TLK1: variants seen among roughly 807,000 people sequenced by gnomAD.
The protein encoded by TLK1 is serine/threonine-protein kinase tousled-like 1.
TLK1 carries 24 observed loss-of-function variants against 105.3 expected under a neutral mutation model. That is an observed-to-expected ratio of 0.23 (90% confidence interval 0.17 to 0.32). TLK1 has a LOEUF of 0.32. TLK1 is among the 10% of genes least tolerant of loss of function. TLK1 has a pLI of 1.00. For missense variants in TLK1, 558 were observed against 910.5 expected (o/e 0.61, Z 4.98); for synonymous variants, 321 against 310.4 (o/e 1.03, Z -0.36).
intron 1 of TLK1, among the ~76,000 whole-genome samples, chr2:171,201,595 T>C (rs1396636109): frequency 6.6e-6 from 1 of 152,204 alleles, no homozygotes; most frequent in African/African-American, 2.4e-5. Context: ...TAGACTGCTC[T>C]AACCATTGAG....
intron 3 of TLK1, among the ~76,000 whole-genome samples, chr2:171,079,019 G>A (rs889554101): frequency 4.6e-5 from 7 of 152,086 alleles, no homozygotes; most frequent in Admixed American, 4.6e-4. Flanking sequence ...CACCATTCCT[G>A]CATATAGTCC....
At chr2:171,226,547 A>G (rs915682267) in intron 1 of TLK1, among the ~76,000 whole-genome samples, 1 of 152,226 alleles carries the variant, frequency 6.6e-6, no homozygotes, top group African/African-American at 2.4e-5. Context: ...ATTTATGAAG[A>G]AAACAGAATT....
At chr2:171,026,782 G>A (rs538352834) in intron 12 of TLK1, among the ~76,000 whole-genome samples, 4 of 151,886 alleles carry the variant, frequency 2.6e-5, no homozygotes, top group Non-Finnish European at 4.4e-5. Flanking sequence ...TTCCCTTTTC[G>A]CTTCCATAGT....
At chr2:171,058,580 T>C (rs1687609537) in intron 4 of TLK1, among the ~76,000 whole-genome samples, 1 of 152,204 alleles carries the variant, frequency 6.6e-6, no homozygotes, top group Non-Finnish European at 1.5e-5. Flanking sequence ...ATAGGAATGT[T>C]ATTTTGTAAA....
rs536165028 is a variant in TLK1 at position 171,201,423 on chromosome 2, G to A, written c.-6+29722C>T. On this transcript the variant is annotated intron_variant, in intron 1 of 20. Coordinates refer to the TLK1 transcript ENST00000521943. ...TTATTAAGAGCCATACTATCAACATGAACCCTGCCTGACCTCACTTCAGAG... is the reference window on the plus strand; with the variant it reads ...TTATTAAGAGCCATACTATCAACATAAACCCTGCCTGACCTCACTTCAGAG... Among the ~76,000 whole-genome samples the A allele has an allele frequency of 2.0e-5, 3 of 152,234 alleles. No individual in the cohort carries two copies. In the South Asian group the frequency reaches 6.2e-4, roughly 32 times the overall value.
intron 2 of TLK1, among the ~76,000 whole-genome samples, chr2:171,102,078 A>G (rs1007249210): frequency 6.6e-6 from 1 of 152,242 alleles, no homozygotes; most frequent in African/African-American, 2.4e-5. Context: ...TCACTCAAAG[A>G]TAACATTATA....
chr2:171,048,574 G>A (rs1334842485), intron 10 of TLK1, among the ~76,000 whole-genome samples: 1 of 152,200 alleles, frequency 6.6e-6, no homozygotes, highest in African/African-American at 2.4e-5. Context: ...ATATCATTCC[G>A]ATCACGTACA....
chr2:171,021,564 G>A (rs1164970614), intron 12 of TLK1, among the ~76,000 whole-genome samples: 2 of 150,316 alleles, frequency 1.3e-5, no homozygotes, highest in African/African-American at 4.9e-5. Context: ...CACCATGCCT[G>A]GCCTCTGCTT....
At chr2:170,998,755 TAA>T (rs1224251588) in intron 18 of TLK1, among the ~76,000 whole-genome samples, 1 of 152,204 alleles carries the variant, frequency 6.6e-6, no homozygotes, top group African/African-American at 2.4e-5. Flanking sequence ...TAAAAATATG[TAA>T]GTCCTATTTA....
intron 5 of TLK1, 87 bp downstream of exon 5, chr2:171,058,064 C>G: frequency 7.3e-7 from 1 of 1,367,994 alleles, no homozygotes; most frequent in Non-Finnish European, 1.0e-6. Flanking sequence ...TAATCAAAAG[C>G]TGACCTTGTG....
chr2:171,145,396 C>G (rs1003766526), intron 1 of TLK1, among the ~76,000 whole-genome samples: 1 of 152,052 alleles, frequency 6.6e-6, no homozygotes, highest in African/African-American at 2.4e-5. Context: ...TCGAGGCCAG[C>G]CTGGTCAACA....
chr2:171,063,061 A>G (rs913783751), intron 3 of TLK1, among the ~76,000 whole-genome samples: 1 of 151,984 alleles, frequency 6.6e-6, no homozygotes. Flanking sequence ...AGAACCCTAA[A>G]TCGGCCGGGT....
intron 1 of TLK1, among the ~76,000 whole-genome samples, chr2:171,191,174 T>A (rs556042192): frequency 6.0e-5 from 9 of 151,132 alleles, no homozygotes; most frequent in Middle Eastern, 3.4e-3. Flanking sequence ...AAAAAAAAAA[T>A]TTATGTTCTT....
chr2:171,135,644 T>C (rs898965376), intron 1 of TLK1, among the ~76,000 whole-genome samples: 2 of 151,756 alleles, frequency 1.3e-5, no homozygotes, highest in Non-Finnish European at 2.9e-5. Flanking sequence ...CTACTAAAAA[T>C]GTAAAAAATT....
At chr2:171,049,479 T>C (rs1218476330) in intron 10 of TLK1, among the ~76,000 whole-genome samples, 15 of 152,114 alleles carry the variant, frequency 9.9e-5, no homozygotes, top group Non-Finnish European at 1.5e-5. Context: ...AGGAAAATCC[T>C]AGGAAATAAA....
rs138993838 is a variant in TLK1, at chr2:171,084,821, G to A, written c.259-1969C>T. Reference sequence around the variant, plus strand: ...CAGATTTCAAAAAACTCGGAAATAAGGTAACAGAACTCAAGAAAGCATTAA... The same window carrying A: ...CAGATTTCAAAAAACTCGGAAATAAAGTAACAGAACTCAAGAAAGCATTAA... On this transcript the variant is annotated intron_variant, in intron 2 of 20. Coordinates refer to ENST00000431350, the MANE Select transcript of TLK1 (RefSeq NM_012290.5). Among the ~76,000 whole-genome samples the A allele has an allele frequency of 5.0e-3, 762 of 151,986 alleles. 6 individuals are homozygous for A. Among genetic ancestry groups the A allele is most frequent in the African/African-American group, 0.017 (708 of 41,458 alleles).
Position 171,007,013 on chromosome 2 carries a change from A to G in TLK1, c.1467T>C (p.Leu489=). ...TCTTCTCATCTCTCCAGCTTTTATT[A>G]AGCTGATGTATCTTCACAGCAGCAT... ...QRYAAVKIHQ[L]NKSWRDEKKE... Residue 489 remains leucine (L), a synonymous_variant, in exon 15 of 21, where the codon CTT becomes CTC. Coordinates refer to ENST00000431350, the MANE Select transcript of TLK1 (RefSeq NM_012290.5). 6.2e-7 allele frequency: 1 copy of G among 1,610,726 alleles called. No individual in the cohort carries two copies. The highest frequency in any genetic ancestry group is 8.5e-7 in the Non-Finnish European group (1 of 1,179,128).
chr2:171,209,032 A>G (rs766747951), intron 1 of TLK1, among the ~76,000 whole-genome samples: 2 of 152,234 alleles, frequency 1.3e-5, no homozygotes, highest in Non-Finnish European at 2.9e-5. Flanking sequence ...ACACAATTGT[A>G]TATTTTCTGG....
At chr2:171,226,166 T>C (rs1235945263) in intron 1 of TLK1, among the ~76,000 whole-genome samples, 2 of 152,176 alleles carry the variant, frequency 1.3e-5, no homozygotes, top group African/African-American at 4.8e-5. Flanking sequence ...AATAAGGCTT[T>C]ATTGTAAACC....
Sources: allele counts gnomAD v4.1 joint callset (sites outside exome capture counted in the v4.1 genomes callset), GRCh38; gene constraint gnomAD v4.1.1; transcripts MANE v1.5; gene names NCBI Gene and HGNC (gene_info 2026-07-23, HGNC 2026-07-21).